STAU1: variants seen among roughly 807,000 people sequenced by gnomAD.
STAU1 encodes the protein staufen double-stranded RNA binding protein 1, also known as double-stranded RNA-binding protein Staufen homolog 1.
In STAU1, 13 loss-of-function variants were observed where a neutral mutation model predicts 62.9. The ratio of observed to expected loss-of-function variants is 0.21; its 90% confidence interval spans 0.13 to 0.33. The LOEUF is 0.33. Among genes scored for constraint, STAU1 ranks in the 10% least tolerant of loss-of-function variants. STAU1 has a pLI of 1.00. For missense variants in STAU1, 571 were observed against 712.1 expected (o/e 0.80, Z 2.25); for synonymous variants, 269 against 265.1 (o/e 1.01, Z -0.14).
intron 5 of STAU1, among the ~76,000 whole-genome samples, chr20:49,140,255 T>C (rs1235401667): frequency 1.3e-5 from 2 of 151,976 alleles, no homozygotes; most frequent in African/African-American, 4.8e-5. Flanking sequence ...GCTTGGTAGT[T>C]CCTCAAAAAA....
At position 49,158,971 on chromosome 20, in the gene STAU1, G is replaced by A. The variant is rs1004804180; in HGVS notation, c.206-4900C>T. ...GACACTTCACACATCAGGACATCAGGGGTCTCCTTTATTATATGTTCTGCA... is the reference window on the plus strand; with the variant it reads ...GACACTTCACACATCAGGACATCAGAGGTCTCCTTTATTATATGTTCTGCA... On this transcript the variant is annotated intron_variant, in intron 3 of 13. Coordinates refer to ENST00000371856, the MANE Select transcript of STAU1 (RefSeq NM_017453.4). 8.5e-6 allele frequency: 11 copies of A among 1,301,506 alleles called. No homozygotes were observed. The African/African-American group carries it at 1.7e-4, about 20-fold the overall frequency. The allele number at this position is 1,301,506 out of a possible 1,614,324, so 80.6% of individuals were successfully genotyped here.
chr20:49,182,526 G>A, intron 1 of STAU1, among the ~76,000 whole-genome samples: 1 of 152,184 alleles, frequency 6.6e-6, no homozygotes, highest in East Asian at 1.9e-4. Context: ...ATACTGTATG[G>A]TAAAATGTTC....
In STAU1 at chr20:49,168,954, A is replaced by T. The variant is rs1023120520; in HGVS notation, c.-84-2669T>A. Among the ~76,000 whole-genome samples, 304 of 143,768 alleles carry T rather than the reference A, an allele frequency of 2.1e-3. 1 individual carries two copies. The highest frequency in any genetic ancestry group is 7.3e-3 in the African/African-American group (288 of 39,434). 94.3% of individuals were successfully genotyped at this position (143,768 alleles called of 152,430 possible). A position where few individuals can be genotyped will look rare whatever the true frequency, so the allele number is the denominator to read the frequency against. ...GAAAGGCCCTAAAAAATAGATGCTA[A>T]TTTTTTTTTTTTTTTTGAGACAGTC... On this transcript the variant is annotated intron_variant, in intron 2 of 13. Coordinates refer to ENST00000371856, the MANE Select transcript of STAU1 (RefSeq NM_017453.4).
chr20:49,179,008 G>A (rs1186726842), intron 1 of STAU1: 1 of 151,474 alleles, frequency 6.6e-6, no homozygotes, highest in African/African-American at 2.4e-5. Context: ...GTGAACCCGG[G>A]AGGCAGAGCT....
chr20:49,178,183 C>A (rs1000525242), intron 1 of STAU1, among the ~76,000 whole-genome samples: 7 of 152,062 alleles, frequency 4.6e-5, no homozygotes, highest in African/African-American at 1.4e-4. Flanking sequence ...TCTCAAAAAA[C>A]CAACAAAAAT....
chr20:49,157,901 G>C (rs2093387105), intron 3 of STAU1, among the ~76,000 whole-genome samples: 1 of 152,170 alleles, frequency 6.6e-6, no homozygotes, highest in Non-Finnish European at 1.5e-5. Context: ...AGGATTTAAG[G>C]CATGAGCGTT....
the STAU1 span, among the ~76,000 whole-genome samples, chr20:49,215,074 A>C: frequency 6.6e-6 from 1 of 152,226 alleles, no homozygotes; most frequent in Non-Finnish European, 1.5e-5. Flanking sequence ...TTAGAAGCGC[A>C]GGCTCCTTCC....
At chr20:49,201,667 G>A in the STAU1 span, among the ~76,000 whole-genome samples, 2 of 150,910 alleles carry the variant, frequency 1.3e-5, no homozygotes, top group African/African-American at 2.4e-5. Flanking sequence ...GCTTGAATCC[G>A]GGAGGCAGAG....
intron 10 of STAU1, 53 bp from the exon 11 acceptor site, chr20:49,118,149 CG>C: frequency 6.4e-7 from 1 of 1,556,478 alleles, no homozygotes. Flanking sequence ...CCTGGAAAAA[CG>C]CAATGACACC....
chr20:49,162,734 C>T (rs975109019), intron 3 of STAU1, among the ~76,000 whole-genome samples: 10 of 150,676 alleles, frequency 6.6e-5, no homozygotes, highest in Non-Finnish European at 1.3e-4. Flanking sequence ...CGAGACCATG[C>T]CACTGCACTC....
intron 1 of STAU1, among the ~76,000 whole-genome samples, chr20:49,186,608 C>T (rs2093790595): frequency 6.6e-6 from 1 of 151,990 alleles, no homozygotes; most frequent in African/African-American, 2.4e-5. Context: ...TAGAGTACAC[C>T]TATAAAACTA....
At chr20:49,209,886 A>G in the STAU1 span, among the ~76,000 whole-genome samples, 11 of 152,040 alleles carry the variant, frequency 7.2e-5, no homozygotes, top group East Asian at 2.1e-3. Context: ...GTCTCTACTA[A>G]AAATACAAAA....
At chr20:49,216,250 G>A in the STAU1 span, among the ~76,000 whole-genome samples, 1 of 151,880 alleles carries the variant, frequency 6.6e-6, no homozygotes, top group East Asian at 1.9e-4. Context: ...TCAAGGCTGG[G>A]TGCGGTGGCT....
chr20:49,149,289 C>CA (rs1555851240), intron 5 of STAU1, among the ~76,000 whole-genome samples: 12 of 150,690 alleles, frequency 8.0e-5, no homozygotes, highest in African/African-American at 2.7e-4. Context: ...CACACACACA[C>CA]ACCAGCAAGA....
chr20:49,153,767 C>T (rs1323204174), intron 4 of STAU1, among the ~76,000 whole-genome samples, 166 bp downstream of exon 4: 1 of 139,874 alleles, frequency 7.1e-6, no homozygotes, highest in Non-Finnish European at 1.5e-5. Context: ...AAAGAAAAGG[C>T]GGGGGAGGGG....
the STAU1 span, among the ~76,000 whole-genome samples, chr20:49,217,676 A>AAT: frequency 0.2 from 26,471 of 135,690 alleles, 2,930 homozygotes; most frequent in East Asian, 0.41. Flanking sequence ...TTCCTTTTAA[A>AAT]ATATATATAT....
At chr20:49,201,772 G>A in the STAU1 span, among the ~76,000 whole-genome samples, 4 of 150,572 alleles carry the variant, frequency 2.7e-5, no homozygotes, top group African/African-American at 7.3e-5. Context: ...TGGGGAGGGG[G>A]GAATATTAAA....
intron 2 of STAU1, among the ~76,000 whole-genome samples, chr20:49,166,656 T>A (rs759383021): frequency 2.0e-5 from 3 of 152,196 alleles, no homozygotes; most frequent in African/African-American, 7.2e-5. Context: ...CAGTAAGGTT[T>A]CTTTCTGGTC....
the STAU1 span, among the ~76,000 whole-genome samples, chr20:49,213,861 T>C: frequency 6.6e-6 from 1 of 152,240 alleles, no homozygotes; most frequent in Admixed American, 6.5e-5. Context: ...AGATCAAGGC[T>C]TGCCCATGGA....
Sources: allele counts gnomAD v4.1 joint callset (sites outside exome capture counted in the v4.1 genomes callset), GRCh38; gene constraint gnomAD v4.1.1; transcripts MANE v1.5; gene names NCBI Gene and HGNC (gene_info 2026-07-23, HGNC 2026-07-21).